The following KCNJ6 variants were observed in gnomAD, a reference collection of about 807,000 sequenced individuals.
The protein encoded by KCNJ6 is G protein-activated inward rectifier potassium channel 2.
Under a neutral mutation model 34.2 loss-of-function variants are expected in KCNJ6, and 9 were observed. That is an observed-to-expected ratio of 0.26 (90% CI 0.16 to 0.46). The LOEUF (loss-of-function observed/expected upper bound fraction) is 0.46, where lower values mean the gene tolerates loss of function less well. Among genes scored for constraint, KCNJ6 ranks in the 20% least tolerant of loss-of-function variants. KCNJ6 has a pLI of 1.00. For synonymous variants in KCNJ6, 196 were observed against 207.1 expected (o/e 0.95, Z 0.46); for missense variants, 236 against 531.3 (o/e 0.44, Z 5.46).
intron 1 of KCNJ6, among the ~76,000 whole-genome samples, chr21:37,866,084 C>T (rs2055621422): frequency 1.3e-5 from 2 of 152,172 alleles, no homozygotes; most frequent in African/African-American, 4.8e-5. Context: ...GAGGTTATCG[C>T]AGATAATCTG....
chr21:37,649,088 G>A (rs1239789623), intron 3 of KCNJ6, among the ~76,000 whole-genome samples: 2 of 134,508 alleles, frequency 1.5e-5, no homozygotes, highest in Non-Finnish European at 3.1e-5. Context: ...TGCTGAGATT[G>A]TGCCATTGCA....
chr21:37,665,388 G>T (rs1321452046), intron 3 of KCNJ6, among the ~76,000 whole-genome samples: 1 of 152,212 alleles, frequency 6.6e-6, no homozygotes, highest in East Asian at 1.9e-4. Context: ...CCAGGAATGA[G>T]GTAGTCATTG....
intron 3 of KCNJ6, among the ~76,000 whole-genome samples, chr21:37,680,020 C>T (rs1601416312): frequency 1.3e-5 from 2 of 152,284 alleles, no homozygotes; most frequent in South Asian, 4.1e-4. Context: ...TGACAAGAGC[C>T]AGATATTTGT....
chr21:37,762,570 G>A (rs2055071119), intron 2 of KCNJ6, among the ~76,000 whole-genome samples: 1 of 152,182 alleles, frequency 6.6e-6, no homozygotes, highest in East Asian at 1.9e-4. Flanking sequence ...CTGAATAAGA[G>A]GCAATGGGGA....
intron 1 of KCNJ6, among the ~76,000 whole-genome samples, chr21:37,881,302 A>G (rs1250305361): frequency 6.6e-6 from 1 of 152,146 alleles, no homozygotes; most frequent in Non-Finnish European, 1.5e-5. Context: ...AACAAAATAC[A>G]ATTGACTGGA....
At chr21:37,703,439 T>A (rs2054702180) in intron 3 of KCNJ6, among the ~76,000 whole-genome samples, 1 of 152,184 alleles carries the variant, frequency 6.6e-6, no homozygotes, top group Non-Finnish European at 1.5e-5. Context: ...CAACTAAGCA[T>A]GAGACCAGGT....
rs201135502 is a variant in KCNJ6, at chr21:37,715,008, T to C, written c.149A>G (p.Lys50Arg). The C allele has an allele frequency of 6.2e-7, 1 of 1,614,230 alleles. No homozygotes were observed. The highest frequency in any genetic ancestry group is 8.5e-7 in the Non-Finnish European group (1 of 1,180,046). Reference sequence around the variant, plus strand: ...CCTCACGTACCTCTGGATTTTCCTTTTGGTCCGATCTCGGCTGATGTGTCT... The same window carrying C: ...CCTCACGTACCTCTGGATTTTCCTTCTGGTCCGATCTCGGCTGATGTGTCT... ...LPRHISRDRT[K>R]RKIQRYVRKD... The change falls in exon 3 of 4, where the codon AAA becomes AGA. Residue 50 changes from lysine (K) to arginine (R), a missense_variant. Around this residue, in one of 5 missense-constraint regions of KCNJ6, gnomAD observed 64 missense variants for 68.9 expected, o/e 0.93. Coordinates refer to ENST00000609713, the MANE Select transcript of KCNJ6 (RefSeq NM_002240.5).
At chr21:37,717,496 GC>G (rs1166600849) in intron 2 of KCNJ6, among the ~76,000 whole-genome samples, 1 of 152,220 alleles carries the variant, frequency 6.6e-6, no homozygotes, top group African/African-American at 2.4e-5. Context: ...GTGGAGGGAG[GC>G]AGAGGCCATG....
chr21:37,705,208 A>G (rs2054713374), intron 3 of KCNJ6, among the ~76,000 whole-genome samples: 1 of 152,150 alleles, frequency 6.6e-6, no homozygotes, highest in African/African-American at 2.4e-5. Flanking sequence ...GAGCTCCTCA[A>G]ACATGCCATA....
At chr21:37,881,723 G>A (rs1218671735) in intron 1 of KCNJ6, among the ~76,000 whole-genome samples, 1 of 152,020 alleles carries the variant, frequency 6.6e-6, no homozygotes, top group Non-Finnish European at 1.5e-5. Context: ...CTCATGATGG[G>A]CCCCACCTTC....
intron 1 of KCNJ6, among the ~76,000 whole-genome samples, chr21:37,914,006 GGGGTGT>G (rs1326690015): frequency 1.6e-4 from 13 of 79,632 alleles, no homozygotes; most frequent in African/African-American, 5.8e-4. Context: ...GAGGCGGATC[GGGGTGT>G]GTGTGTGTGT....
At chr21:37,627,138 C>T (rs570595123) in intron 3 of KCNJ6, among the ~76,000 whole-genome samples, 1 of 152,296 alleles carries the variant, frequency 6.6e-6, no homozygotes, top group East Asian at 1.9e-4. Context: ...TGCATTTGCT[C>T]CTTGTGTCTA....
intron 1 of KCNJ6, among the ~76,000 whole-genome samples, chr21:37,913,091 T>A (rs2055874496): frequency 6.6e-6 from 1 of 152,236 alleles, no homozygotes; most frequent in Non-Finnish European, 1.5e-5. Context: ...ATTTCAAATA[T>A]GACTGTCACC....
chr21:37,667,556 G>A (rs1425896648), intron 3 of KCNJ6, among the ~76,000 whole-genome samples: 1 of 151,626 alleles, frequency 6.6e-6, no homozygotes, highest in Non-Finnish European at 1.5e-5. Flanking sequence ...CGGGCGCCGG[G>A]GTAGCAGGCT....
intron 3 of KCNJ6, among the ~76,000 whole-genome samples, chr21:37,658,830 C>A (rs530779198): frequency 6.6e-6 from 1 of 152,340 alleles, no homozygotes; most frequent in South Asian, 2.1e-4. Context: ...GAGCCCAGGG[C>A]TACCCAGATC....
At chr21:37,866,483 G>C in intron 1 of KCNJ6, among the ~76,000 whole-genome samples, 1 of 152,156 alleles carries the variant, frequency 6.6e-6, no homozygotes, top group East Asian at 1.9e-4. Context: ...ACTGAACCAG[G>C]AGCCCGACCT....
At chr21:37,875,202 T>A (rs1236690923) in intron 1 of KCNJ6, among the ~76,000 whole-genome samples, 2 of 152,200 alleles carry the variant, frequency 1.3e-5, no homozygotes, top group African/African-American at 4.8e-5. Context: ...GAGTGAATTA[T>A]AATTCTCCCC....
chr21:37,840,693 T>C lies in KCNJ6; in HGVS notation c.-11A>G. Reference sequence around the variant, plus strand: ...TGTCAGCTTGGCCATTGTTGCAGTTTCTTCTTTGTGCTTTTCCTGGAGGTG... The same window carrying C: ...TGTCAGCTTGGCCATTGTTGCAGTTCCTTCTTTGTGCTTTTCCTGGAGGTG... On this transcript the variant is annotated 5_prime_UTR_variant, in exon 2 of 4. Coordinates refer to ENST00000609713, the MANE Select transcript of KCNJ6 (RefSeq NM_002240.5). 1 of 1,592,604 alleles carries C rather than the reference T, an allele frequency of 6.3e-7. No homozygotes were observed. Among genetic ancestry groups the C allele is most frequent in the Non-Finnish European group, 8.6e-7 (1 of 1,162,666 alleles).
rs771547523 is a variant in KCNJ6 at position 37,615,386 on chromosome 21, A to C, written c.*9773T>G. The C allele has an allele frequency of 1.2e-4, 19 of 152,152 alleles. No homozygotes were observed. The highest frequency in any genetic ancestry group is 2.6e-4 in the Non-Finnish European group (18 of 68,264). The allele number at this position is 152,152 out of a possible 1,614,324, so 9.4% of individuals were successfully genotyped here. On this transcript the variant is annotated 3_prime_UTR_variant, in exon 4 of 4. Coordinates refer to ENST00000609713, the MANE Select transcript of KCNJ6 (RefSeq NM_002240.5). Reference sequence around the variant, plus strand: ...GCCATTCTCCTGCCTCAGCCTCCCGAGTACCCAGCATTCTTAAGCAGTACC... The same window carrying C: ...GCCATTCTCCTGCCTCAGCCTCCCGCGTACCCAGCATTCTTAAGCAGTACC...
Sources: allele counts gnomAD v4.1 joint callset (sites outside exome capture counted in the v4.1 genomes callset), GRCh38; gene constraint gnomAD v4.1.1; regional missense constraint gnomAD v4.1.1; transcripts MANE v1.5; gene names NCBI Gene and HGNC (gene_info 2026-07-23, HGNC 2026-07-21).